Variants in ERLIN1 observed in about 807,000 individuals in gnomAD.
ERLIN1 encodes ER lipid raft associated 1.
ERLIN1 carries 24 observed loss-of-function variants against 46.9 expected under a neutral mutation model. The ratio of observed to expected loss-of-function variants is 0.51; its 90% confidence interval spans 0.37 to 0.72. The LOEUF (loss-of-function observed/expected upper bound fraction) is 0.72, where lower values mean the gene tolerates loss of function less well. Among genes scored for constraint, ERLIN1 ranks in the 30% least tolerant of loss-of-function variants. The pLI is 0.00. For missense variants in ERLIN1, 293 were observed against 417.9 expected (o/e 0.70, Z 2.61); for synonymous variants, 158 against 143.2 (o/e 1.10, Z -0.74).
Position 100,150,526 on chromosome 10 carries a change from T to C in ERLIN1, c.*1605A>G, listed in dbSNP as rs1049288720. ...AAAATTCATTTATAAAGAGAATTTA[T>C]AGAATTAAATGAGCAAAAATGAAAA... On this transcript the variant is annotated 3_prime_UTR_variant, in exon 11 of 11. Coordinates refer to ENST00000421367, the MANE Select transcript of ERLIN1 (RefSeq NM_006459.4). The C allele has an allele frequency of 1.3e-5, 2 of 152,698 alleles. No individual in the cohort carries two copies. The highest frequency in any genetic ancestry group is 2.4e-5 in the African/African-American group (1 of 41,468). 9.5% of individuals were successfully genotyped at this position (152,698 alleles called of 1,614,324 possible).
rs143493222 is a variant in ERLIN1, at chr10:100,180,874, A to T, written c.196-1627T>A. Reference sequence around the variant, plus strand: ...AAACCAGCTGGGAGGCTAAATAATTAATTTATTTAGATTAATTCAGTAAAG... The same window carrying T: ...AAACCAGCTGGGAGGCTAAATAATTTATTTATTTAGATTAATTCAGTAAAG... On this transcript the variant is annotated intron_variant, in intron 2 of 10. Transcript: ENST00000421367. Among the ~76,000 whole-genome samples the T allele has an allele frequency of 2.0e-5, 3 of 152,356 alleles. No homozygotes were observed. The East Asian group carries it at 5.8e-4, about 29-fold the overall frequency.
intron 1 of ERLIN1, 92 bp from the exon 2 acceptor site, chr10:100,183,929 A>G: frequency 1.1e-6 from 1 of 879,238 alleles, no homozygotes; most frequent in South Asian, 1.5e-5. Context: ...ACTCTTGCTC[A>G]TGCTGCTGAC....
At chr10:100,165,800 A>C (rs1843605892) in intron 7 of ERLIN1, among the ~76,000 whole-genome samples, 2 of 152,086 alleles carry the variant, frequency 1.3e-5, no homozygotes, top group Admixed American at 1.3e-4. Context: ...GTCTCGGCTC[A>C]CTGCAACCTC....
At position 100,152,222 on chromosome 10, in the gene ERLIN1, A is replaced by G. The variant is rs1842840156; in HGVS notation, c.956T>C (p.Ile319Thr). ...GAGTGAGCTTTCTCTTCCAGTCCTA[A>G]TATCTGAATATTTCAAAGCACATGA... ...DSSCALKYSD[I>T]RTGRESSLPS... Residue 319 changes from isoleucine (I) to threonine (T), a missense_variant, in exon 11 of 11, where the codon ATT becomes ACT. By Grantham distance (89) the Ile-to-Thr change is moderately conservative. This residue lies in a region of ERLIN1 where 69 missense variants were observed against 74.5 expected (regional missense o/e 0.93). Transcript: ENST00000421367. The G allele has an allele frequency of 6.2e-7, 1 of 1,612,798 alleles. No homozygotes were observed.
chr10:100,183,926 C>A, intron 1 of ERLIN1, 89 bp from the exon 2 acceptor site: 1 of 897,332 alleles, frequency 1.1e-6, no homozygotes, highest in Admixed American at 2.1e-5. Context: ...CTCACTCTTG[C>A]TCATGCTGCT....
chr10:100,159,297 C>A (rs1310258426), intron 8 of ERLIN1, among the ~76,000 whole-genome samples: 1 of 152,070 alleles, frequency 6.6e-6, no homozygotes, highest in Non-Finnish European at 1.5e-5. Flanking sequence ...AAAAAAATTA[C>A]AAGTCAACAA....
rs1844176444 is a variant in ERLIN1, at chr10:100,174,399, A to C, written c.431-118T>G. On this transcript the variant is annotated intron_variant, in intron 5 of 10. Coordinates refer to ENST00000421367, the MANE Select transcript of ERLIN1 (RefSeq NM_006459.4). ...AAAGTTTCCACAGTACTATTCTTTT[A>C]CAGAGCTTAAACTGCCTTTTCTTCC... The C allele has an allele frequency of 6.9e-6, 5 of 726,516 alleles. No individual in the cohort carries two copies. The South Asian group carries it at 8.7e-5, about 13-fold the overall frequency. The allele number at this position is 726,516 out of a possible 1,614,324, so 45.0% of individuals were successfully genotyped here.
intron 6 of ERLIN1, among the ~76,000 whole-genome samples, chr10:100,173,144 C>T (rs116242424): frequency 6.6e-6 from 1 of 152,304 alleles, no homozygotes; most frequent in East Asian, 1.9e-4. Flanking sequence ...CACATACAAT[C>T]ACAGTGAGCG....
chr10:100,169,976 C>T (rs552878847), intron 6 of ERLIN1, among the ~76,000 whole-genome samples: 1 of 152,056 alleles, frequency 6.6e-6, no homozygotes, highest in South Asian at 2.1e-4. Context: ...TATGATCATG[C>T]CACTGCACTC....
rs76398099 is a variant in ERLIN1, at chr10:100,162,909, A to C, written c.655+1095T>G. On this transcript the variant is annotated intron_variant, in intron 8 of 10. Coordinates refer to ENST00000421367, the MANE Select transcript of ERLIN1 (RefSeq NM_006459.4). ...ACTCTATGGAAACCTGCACATGTACACTGTATCCAGGAGGCACTGGATAAG... is the reference window on the plus strand; with the variant it reads ...ACTCTATGGAAACCTGCACATGTACCCTGTATCCAGGAGGCACTGGATAAG... Among the ~76,000 whole-genome samples the C allele has an allele frequency of 1.2e-4, 19 of 152,302 alleles. No individual in the cohort carries two copies. The East Asian group carries it at 3.7e-3, about 29-fold the overall frequency.
intron 6 of ERLIN1, among the ~76,000 whole-genome samples, chr10:100,171,352 G>A (rs1166283513): frequency 2.6e-5 from 4 of 152,050 alleles, no homozygotes; most frequent in Non-Finnish European, 4.4e-5. Flanking sequence ...TTTTAAAAAC[G>A]AATTCTACCC....
chr10:100,184,176 C>CATTAAT (rs1260525568), intron 1 of ERLIN1, among the ~76,000 whole-genome samples: 3 of 152,106 alleles, frequency 2.0e-5, no homozygotes, highest in Admixed American at 2.0e-4. Flanking sequence ...AGTAGAGGTA[C>CATTAAT]ATTAATAGTA....
intron 8 of ERLIN1, among the ~76,000 whole-genome samples, chr10:100,159,963 T>C (rs1239278887): frequency 6.6e-6 from 1 of 150,556 alleles, no homozygotes; most frequent in Non-Finnish European, 1.5e-5. Context: ...CAAAAGCCAA[T>C]TCTCTGAAAA....
intron 7 of ERLIN1, among the ~76,000 whole-genome samples, chr10:100,165,536 A>G (rs1054118573): frequency 1.8e-4 from 27 of 151,010 alleles, no homozygotes; most frequent in East Asian, 5.9e-4. Context: ...ACAGGCGCCC[A>G]CCACCATGCC....
At chr10:100,160,165 A>G (rs1323123838) in intron 8 of ERLIN1, among the ~76,000 whole-genome samples, 9 of 152,162 alleles carry the variant, frequency 5.9e-5, no homozygotes, top group Non-Finnish European at 1.0e-4. Context: ...CTATGAAAAT[A>G]TAATTACCAA....
chr10:100,173,342 T>C lies in ERLIN1; in HGVS notation c.504+866A>G, dbSNP rs913334854. ...GATCCAGAGCAGTGGCTTTCGAATGTTACTGACAGTGGACACAGTAAGAAA... is the reference window on the plus strand; with the variant it reads ...GATCCAGAGCAGTGGCTTTCGAATGCTACTGACAGTGGACACAGTAAGAAA... On this transcript the variant is annotated intron_variant, in intron 6 of 10. Transcript: ENST00000421367. 4.6e-5 allele frequency among the ~76,000 whole-genome samples: 7 copies of C among 152,164 alleles called. No homozygotes were observed. In the South Asian group the frequency reaches 8.3e-4, roughly 18 times the overall value.
chr10:100,151,783 T>A lies in ERLIN1; in HGVS notation c.*348A>T. 1.2e-5 allele frequency: 4 copies of A among 341,792 alleles called. No individual in the cohort carries two copies. Among genetic ancestry groups the A allele is most frequent in the East Asian group, 7.3e-5 (1 of 13,752 alleles). 21.2% of individuals were successfully genotyped at this position (341,792 alleles called of 1,614,324 possible). Reference sequence around the variant, plus strand: ...CATACATTTCCCCGGGGGACGAATGTAAACATTATTCAACAGATCTCAGCT... The same window carrying A: ...CATACATTTCCCCGGGGGACGAATGAAAACATTATTCAACAGATCTCAGCT... On this transcript the variant is annotated 3_prime_UTR_variant, in exon 11 of 11. Coordinates refer to ENST00000421367, the MANE Select transcript of ERLIN1 (RefSeq NM_006459.4).
rs1842848998 is a variant in ERLIN1 at position 100,152,316 on chromosome 10, A to G, written c.862T>C (p.Tyr288His). 1.9e-6 allele frequency: 3 copies of G among 1,613,418 alleles called. No homozygotes were observed. The African/African-American group carries it at 4.0e-5, about 22-fold the overall frequency. ...TTACTGTTAGAAGCAATGGCCTGGT[A>G]CTTTTTGAGCTCCAGATATTCCGGG... ...LTPEYLELKK[Y>H]QAIASNSKIY... Residue 288 changes from tyrosine (Y) to histidine (H), a missense_variant, in exon 11 of 11, where the codon TAC becomes CAC. By Grantham distance (83) the Tyr-to-His change is moderately conservative. Coordinates refer to ENST00000421367, the MANE Select transcript of ERLIN1 (RefSeq NM_006459.4).
intron 4 of ERLIN1, among the ~76,000 whole-genome samples, chr10:100,177,531 C>A (rs1844380486): frequency 6.6e-6 from 1 of 152,150 alleles, no homozygotes; most frequent in African/African-American, 2.4e-5. Flanking sequence ...GTAATTTCAT[C>A]TTTTCAAATT....
Sources: gnomAD v4.1 joint callset for allele counts (sites outside exome capture counted in the v4.1 genomes callset) on GRCh38, gnomAD v4.1.1 for gene constraint, gnomAD v4.1.1 regional missense constraint, MANE v1.5 for transcripts, NCBI Gene and HGNC (gene_info 2026-07-23, HGNC 2026-07-21) for gene names.